Variants in EYS observed in about 807,000 individuals in gnomAD.
EYS encodes the protein protein eyes shut homolog.
Under a neutral mutation model 282.1 loss-of-function variants are expected in EYS, and 250 were observed. The observed-to-expected ratio is 0.89, with a 90% CI of 0.80 to 0.98. The LOEUF (loss-of-function observed/expected upper bound fraction) is 0.98. Ranked by LOEUF, EYS falls within the 50% of genes least tolerant of loss-of-function variation. The pLI is 0.00. For missense variants in EYS, 4,016 were observed against 3,709.0 expected (o/e 1.08, Z -2.15); for synonymous variants, 1,355 against 1,282.9 (o/e 1.06, Z -1.20).
chr6:64,192,553 C>T (rs1343674729), intron 31 of EYS, among the ~76,000 whole-genome samples: 1 of 152,034 alleles, frequency 6.6e-6, no homozygotes, highest in African/African-American at 2.4e-5. Context: ...TGATCTTTGA[C>T]AAACCTGAGA....
At chr6:64,885,887 C>G (rs4710506) in intron 19 of EYS, among the ~76,000 whole-genome samples, 23,403 of 151,338 alleles carry the variant, frequency 0.15, 2,138 homozygotes, top group East Asian at 0.49. Flanking sequence ...TTATTTTATC[C>G]CTGCTGGCAG....
At chr6:64,997,482 T>C (rs934201553) in intron 14 of EYS, 100 bp downstream of exon 14, 17 of 1,112,660 alleles carry the variant, frequency 1.5e-5, no homozygotes, top group Non-Finnish European at 2.2e-5. Flanking sequence ...GTAATATATA[T>C]ACTAACCTAA....
At chr6:64,565,457 C>A (rs1437493465) in intron 26 of EYS, among the ~76,000 whole-genome samples, 1 of 151,948 alleles carries the variant, frequency 6.6e-6, no homozygotes. Flanking sequence ...AAAATACTGC[C>A]ATTTTGACAA....
At chr6:64,649,191 T>C (rs1287777275) in intron 22 of EYS, among the ~76,000 whole-genome samples, 1 of 152,162 alleles carries the variant, frequency 6.6e-6, no homozygotes, top group Non-Finnish European at 1.5e-5. Context: ...AAAAGACACT[T>C]TACCATCATA....
rs117922085 is a variant in EYS at position 65,018,850 on chromosome 6, T to C, written c.2138-21147A>G. 4.3e-4 allele frequency among the ~76,000 whole-genome samples: 66 copies of C among 152,304 alleles called. No homozygotes were observed. In the East Asian group the frequency reaches 0.012, roughly 28 times the overall value. ...CTTGTTGTTTAGTAGTTCTGAATTGTATTGTTGTTGTTGTTTAAATATAGC... is the reference window on the plus strand; with the variant it reads ...CTTGTTGTTTAGTAGTTCTGAATTGCATTGTTGTTGTTGTTTAAATATAGC... On this transcript the variant is annotated intron_variant, in intron 13 of 42. Transcript: ENST00000503581.
At chr6:64,983,094 C>T (rs1480392201) in intron 14 of EYS, among the ~76,000 whole-genome samples, 2 of 151,264 alleles carry the variant, frequency 1.3e-5, no homozygotes, top group East Asian at 1.9e-4. Context: ...TTCCTCCACA[C>T]TGATATTCTC....
intron 22 of EYS, among the ~76,000 whole-genome samples, chr6:64,651,044 G>T (rs1768539263): frequency 6.6e-6 from 1 of 152,004 alleles, no homozygotes; most frequent in South Asian, 2.1e-4. Flanking sequence ...TTGTTATCAT[G>T]AAGGAGCCAA....
intron 15 of EYS, among the ~76,000 whole-genome samples, chr6:64,918,017 A>G (rs150366712): frequency 6.6e-6 from 1 of 152,248 alleles, no homozygotes; most frequent in Non-Finnish European, 1.5e-5. Flanking sequence ...GAATTAAATA[A>G]TTCATTCATT....
intron 29 of EYS, among the ~76,000 whole-genome samples, chr6:64,316,819 C>A (rs1402052864): frequency 6.6e-6 from 1 of 152,094 alleles, no homozygotes; most frequent in Non-Finnish European, 1.5e-5. Context: ...AACTATACTA[C>A]AAGGCTACAG....
intron 30 of EYS, among the ~76,000 whole-genome samples, chr6:64,295,694 A>C (rs1768949994): frequency 1.4e-5 from 2 of 141,318 alleles, no homozygotes; most frequent in South Asian, 2.6e-4. Flanking sequence ...GCGCCGCTGC[A>C]CTCCAGCCTG....
intron 2 of EYS, among the ~76,000 whole-genome samples, chr6:65,617,851 C>T (rs894540477): frequency 6.6e-6 from 1 of 151,678 alleles, no homozygotes; most frequent in African/African-American, 2.4e-5. Flanking sequence ...TGATTTCCAG[C>T]TTCATCCATG....
intron 23 of EYS, among the ~76,000 whole-genome samples, chr6:64,618,120 A>G (rs1177972363): frequency 1.3e-5 from 2 of 152,124 alleles, no homozygotes; most frequent in Non-Finnish European, 2.9e-5. Flanking sequence ...ACAATCTAAA[A>G]TTTTCCAGAC....
chr6:64,252,624 G>C, intron 30 of EYS, among the ~76,000 whole-genome samples: 1 of 152,118 alleles, frequency 6.6e-6, no homozygotes, highest in Non-Finnish European at 1.5e-5. Context: ...GCCTCTTGAG[G>C]AGTCTCATGT....
intron 28 of EYS, among the ~76,000 whole-genome samples, chr6:64,435,596 G>A (rs1774715763): frequency 6.6e-6 from 1 of 150,428 alleles, no homozygotes; most frequent in Non-Finnish European, 1.5e-5. Context: ...GGGAGGTAAG[G>A]CACATAACAA....
At chr6:64,698,009 T>C (rs1027390415) in intron 22 of EYS, among the ~76,000 whole-genome samples, 1 of 151,830 alleles carries the variant, frequency 6.6e-6, no homozygotes, top group African/African-American at 2.4e-5. Context: ...AATACAGCAG[T>C]ATAAAACTAG....
chr6:63,746,895 T>C (rs1179739145), intron 41 of EYS, among the ~76,000 whole-genome samples: 1 of 152,210 alleles, frequency 6.6e-6, no homozygotes, highest in East Asian at 1.9e-4. Flanking sequence ...CTGGGACTTA[T>C]TGATTTGTTG....
chr6:65,281,653 C>G lies in EYS; in HGVS notation c.2023+14210G>C, dbSNP rs1029469923. On this transcript the variant is annotated intron_variant, in intron 12 of 42. Transcript: ENST00000503581. ...AAATCTCAACTAAGAAAGGATAAAG[C>G]CTTGATAGTCACATATAGCATGAGA... Among the ~76,000 whole-genome samples the G allele has an allele frequency of 6.6e-5, 10 of 152,108 alleles. No homozygotes were observed. The East Asian group carries it at 1.9e-3, about 29-fold the overall frequency.
At chr6:64,089,756 T>C (rs1582252409) in intron 31 of EYS, among the ~76,000 whole-genome samples, 1 of 152,182 alleles carries the variant, frequency 6.6e-6, no homozygotes, top group East Asian at 1.9e-4. Context: ...ACAGCTGTTA[T>C]TTTTGCTACA....
intron 11 of EYS, among the ~76,000 whole-genome samples, chr6:65,318,644 A>AT (rs1248233686): frequency 1.8e-4 from 24 of 136,170 alleles, no homozygotes; most frequent in Admixed American, 1.0e-3. Context: ...TTATATATAT[A>AT]ATATATGTAT....
Sources: allele counts gnomAD v4.1 joint callset (sites outside exome capture counted in the v4.1 genomes callset), GRCh38; gene constraint gnomAD v4.1.1; transcripts MANE v1.5; gene names NCBI Gene and HGNC (gene_info 2026-07-23, HGNC 2026-07-21).